KIF21B: variants seen among roughly 807,000 people sequenced by gnomAD.
KIF21B encodes kinesin-like protein KIF21B.
In KIF21B, 85 loss-of-function variants were observed where a neutral mutation model predicts 192.9. The observed-to-expected ratio is 0.44, with a 90% CI of 0.37 to 0.53. KIF21B has a LOEUF of 0.53. Among genes scored for constraint, KIF21B ranks in the 20% least tolerant of loss-of-function variants. KIF21B has a pLI of 0.00. For synonymous variants in KIF21B, 832 were observed against 884.6 expected (o/e 0.94, Z 1.05); for missense variants, 1,716 against 2,194.8 (o/e 0.78, Z 4.36).
chr1:200,969,604 A>T lies in KIF21B; in HGVS notation c.*3917T>A, dbSNP rs1655121859. The T allele has an allele frequency of 6.5e-6, 1 of 152,750 alleles. No individual in the cohort carries two copies. The highest frequency in any genetic ancestry group is 1.5e-5 in the Non-Finnish European group (1 of 68,064). The allele number at this position is 152,750 out of a possible 1,614,324, so 9.5% of individuals were successfully genotyped here. The stretch of plus-strand genomic sequence containing the variant: ...GCCTGGGCAGGACATGATTGCTAGA[A>T]AAGAGTTGGTGGGCAGGGCAGGGCC... On this transcript the variant is annotated 3_prime_UTR_variant, in exon 35 of 35. Coordinates refer to ENST00000461742, the MANE Select transcript of KIF21B (RefSeq NM_001252102.2).
At chr1:200,995,133 C>T (rs937793259) in intron 15 of KIF21B, among the ~76,000 whole-genome samples, 2 of 152,228 alleles carry the variant, frequency 1.3e-5, no homozygotes, top group African/African-American at 4.8e-5. Context: ...ACCACCTCTT[C>T]TCAGAATCTA....
At position 200,991,051 on chromosome 1, in the gene KIF21B, C is replaced by T. The variant is rs754853209; in HGVS notation, c.2553G>A (p.Ser851=). ...CAGCCTCAGATGAGGTAGTGCTGGCCGACACCTCAGCCCCAGAGTCCAGCA... is the reference window on the plus strand; with the variant it reads ...CAGCCTCAGATGAGGTAGTGCTGGCTGACACCTCAGCCCCAGAGTCCAGCA... ...PPMLDSGAEV[S]ASTTSSEAES... Residue 851 remains serine (S), a synonymous_variant, in exon 18 of 35, where the codon TCG becomes TCA. Transcript: ENST00000461742. 9.3e-6 allele frequency: 15 copies of T among 1,614,024 alleles called. 1 individual carries two copies. The South Asian group carries it at 9.9e-5, about 11-fold the overall frequency.
At chr1:200,983,277 G>C (rs1656066035) in intron 27 of KIF21B, among the ~76,000 whole-genome samples, 183 bp from the exon 28 acceptor site, 1 of 152,112 alleles carries the variant, frequency 6.6e-6, no homozygotes, top group Non-Finnish European at 1.5e-5. Flanking sequence ...GCTGGTCTGG[G>C]AGCTGGGACT....
chr1:200,979,125 C>T (rs1655746326), intron 30 of KIF21B, among the ~76,000 whole-genome samples: 3 of 152,234 alleles, frequency 2.0e-5, no homozygotes, highest in Non-Finnish European at 2.9e-5. Flanking sequence ...CTGCCCTATG[C>T]CTGTGTGTCT....
Position 200,975,028 on chromosome 1 carries a change from C to T in KIF21B, c.4615-115G>A. Reference sequence around the variant, plus strand: ...TTCCAGGCTCCCCTGGCCTCTAGAGCTGCCACACGGGCGGGTGACACTGGT... The same window carrying T: ...TTCCAGGCTCCCCTGGCCTCTAGAGTTGCCACACGGGCGGGTGACACTGGT... On this transcript the variant is annotated intron_variant, in intron 33 of 34. Transcript: ENST00000461742. The surrounding 1 kb of genome is among the most constrained non-coding windows in gnomAD (Gnocchi z 4.3). The T allele has an allele frequency of 9.4e-7, 1 of 1,067,060 alleles. No individual in the cohort carries two copies. Among genetic ancestry groups the T allele is most frequent in the Non-Finnish European group, 1.4e-6 (1 of 728,932 alleles). The allele number at this position is 1,067,060 out of a possible 1,614,324, so 66.1% of individuals were successfully genotyped here.
chr1:201,011,216 T>G (rs1658215134), intron 1 of KIF21B, among the ~76,000 whole-genome samples: 1 of 152,210 alleles, frequency 6.6e-6, no homozygotes. Flanking sequence ...CAGTAAGAGC[T>G]CAGGGTCAGC....
intron 26 of KIF21B, 115 bp downstream of exon 26, chr1:200,986,728 TG>T: frequency 1.1e-6 from 1 of 905,286 alleles, no homozygotes; most frequent in Non-Finnish European, 1.7e-6. Context: ...TCAGTCAAGC[TG>T]GCCCAGGTTA....
rs751202385 is a variant in KIF21B at position 201,008,738 on chromosome 1, C to T, written c.447+31G>A. ...CATGGTCCTGTTGTCCACCAAGCCT[C>T]CCACCTGCCCACCCTATGGGGCCAC... On this transcript the variant is annotated intron_variant, in intron 3 of 34. Coordinates refer to ENST00000461742, the MANE Select transcript of KIF21B (RefSeq NM_001252102.2). The T allele has an allele frequency of 1.1e-5, 17 of 1,550,964 alleles. No individual in the cohort carries two copies. In the South Asian group the frequency reaches 1.5e-4, roughly 14 times the overall value.
At chr1:200,987,343 G>A (rs368295088) in intron 24 of KIF21B, 142 bp from the exon 25 acceptor site, 22 of 699,200 alleles carry the variant, frequency 3.1e-5, no homozygotes, top group East Asian at 2.4e-4. Flanking sequence ...AGGCTCATGC[G>A]ATCCCCTCAC....
chr1:201,003,784 G>A lies in KIF21B; in HGVS notation c.1017-3C>T, dbSNP rs1558019951. On this transcript the variant is annotated splice_polypyrimidine_tract_variant and splice_region_variant and intron_variant, in intron 7 of 34. Transcript: ENST00000461742. The stretch of plus-strand genomic sequence containing the variant: ...CACAGGCGATCATGATGGTCTGGCT[G>A]GGGGTGCAGAAAGGCTGTTGTGAGG... 1.2e-6 allele frequency: 2 copies of A among 1,614,126 alleles called. No homozygotes were observed. The highest frequency in any genetic ancestry group is 2.2e-5 in the East Asian group (1 of 44,884).
chr1:200,997,096 T>C (rs143343868), intron 14 of KIF21B, among the ~76,000 whole-genome samples: 16 of 152,338 alleles, frequency 1.1e-4, no homozygotes, highest in Middle Eastern at 3.4e-3. Context: ...GTTTCCTAAG[T>C]GGTCTCCAGC....
Position 200,999,666 on chromosome 1 carries a change from C to T in KIF21B, c.1768-200G>A, listed in dbSNP as rs1657337402. ...CACCGCAGAACCCCTCTAGGAGGGC[C>T]TCCCCACCTGCATCATCCGTTTGGG... On this transcript the variant is annotated intron_variant, in intron 12 of 34. Coordinates refer to ENST00000461742, the MANE Select transcript of KIF21B (RefSeq NM_001252102.2). This position sits in a 1 kb window ranked among gnomAD's most constrained non-coding sequence, Gnocchi z 4.7. 6.6e-6 allele frequency among the ~76,000 whole-genome samples: 1 copy of T among 152,048 alleles called. No homozygotes were observed. The highest frequency in any genetic ancestry group is 2.1e-4 in the South Asian group (1 of 4,806).
intron 24 of KIF21B, 75 bp from the exon 25 acceptor site, chr1:200,987,276 A>G (rs1027816705): frequency 1.4e-5 from 15 of 1,088,982 alleles, no homozygotes; most frequent in Non-Finnish European, 1.9e-5. Flanking sequence ...GGGAAATTCT[A>G]TTTTTTTTTT....
chr1:200,996,921 G>A (rs940310713), intron 14 of KIF21B, among the ~76,000 whole-genome samples: 5 of 152,128 alleles, frequency 3.3e-5, no homozygotes, highest in African/African-American at 1.2e-4. Context: ...ACAGCATCAC[G>A]CTCCTTCCAG....
intron 29 of KIF21B, among the ~76,000 whole-genome samples, chr1:200,980,676 G>C (rs1655852579): frequency 6.6e-6 from 1 of 152,238 alleles, no homozygotes; most frequent in Non-Finnish European, 1.5e-5. Context: ...GGCAGTGCAA[G>C]TACAGGTGGG....
chr1:200,991,633 C>T lies in KIF21B; in HGVS notation c.2454+24G>A, dbSNP rs200450226. ...CACATGTGCAGCAGGGCCAGGGCCT[C>T]GCCAGCCCCTCGAGTGAGCTCACCT... On this transcript the variant is annotated intron_variant, in intron 17 of 34. Transcript: ENST00000461742. 19 of 1,610,754 alleles carry T rather than the reference C, an allele frequency of 1.2e-5. No individual in the cohort carries two copies. The East Asian group carries it at 2.0e-4, about 17-fold the overall frequency.
At chr1:200,974,363 T>G (rs1281902381) in intron 34 of KIF21B, among the ~76,000 whole-genome samples, 1 of 151,084 alleles carries the variant, frequency 6.6e-6, no homozygotes, top group African/African-American at 2.4e-5. Context: ...GTGGGTGGGG[T>G]GTAAGAGGCG....
In KIF21B at chr1:201,000,091, T is replaced by A; in HGVS notation, c.1686-127A>T. ...GGCCGGGGAGAGCACTGGCTCCTACTCTGCAGAGAACCCCACTGCTCTTCC... is the reference window on the plus strand; with the variant it reads ...GGCCGGGGAGAGCACTGGCTCCTACACTGCAGAGAACCCCACTGCTCTTCC... On this transcript the variant is annotated intron_variant, in intron 11 of 34. Coordinates refer to ENST00000461742, the MANE Select transcript of KIF21B (RefSeq NM_001252102.2). This position sits in a 1 kb window ranked among gnomAD's most constrained non-coding sequence, Gnocchi z 6.0. The A allele has an allele frequency of 1.2e-6, 1 of 847,030 alleles. No homozygotes were observed. Among genetic ancestry groups the A allele is most frequent in the Non-Finnish European group, 1.9e-6 (1 of 521,154 alleles). The allele number at this position is 847,030 out of a possible 1,614,324, so 52.5% of individuals were successfully genotyped here.
At chr1:201,020,293 T>A (rs992742655) in intron 1 of KIF21B, among the ~76,000 whole-genome samples, 3 of 152,224 alleles carry the variant, frequency 2.0e-5, no homozygotes, top group African/African-American at 7.2e-5. Context: ...CTTGCATTTC[T>A]TAACAGCTAC....
Sources: gnomAD v4.1 joint callset for allele counts (sites outside exome capture counted in the v4.1 genomes callset) on GRCh38, gnomAD v4.1.1 for gene constraint, Gnocchi (gnomAD v3.1) non-coding constraint, MANE v1.5 for transcripts, NCBI Gene and HGNC (gene_info 2026-07-23, HGNC 2026-07-21) for gene names.